TPRG1: variants seen among roughly 807,000 people sequenced by gnomAD.
TPRG1 encodes the protein tumor protein p63-regulated gene 1 protein.
In TPRG1, 29 loss-of-function variants were observed where a neutral mutation model predicts 29.3. The ratio of observed to expected loss-of-function variants is 0.99; its 90% CI spans 0.74 to 1.35. TPRG1 has a LOEUF of 1.35. TPRG1 is among the 40% of genes most tolerant of loss of function. The pLI is 0.00. For synonymous variants in TPRG1, 130 were observed against 116.8 expected, an observed-to-expected ratio of 1.11 and a Z score of -0.73; for missense variants, 327 against 335.0, an observed-to-expected ratio of 0.98 and a Z score of 0.19.
At chr3:189,113,097 T>G (rs1312621261) in intron 1 of TPRG1, among the ~76,000 whole-genome samples, 1 of 152,198 alleles carries the variant, frequency 6.6e-6, no homozygotes, top group African/African-American at 2.4e-5. Context: ...TTCACGTCCC[T>G]TGTAAGTTGG....
At chr3:189,084,444 G>T (rs1350734024) in intron 4 of TPRG1, among the ~76,000 whole-genome samples, 1 of 152,150 alleles carries the variant, frequency 6.6e-6, no homozygotes, top group Non-Finnish European at 1.5e-5. Context: ...ACTCAGGCTT[G>T]CCTCAGAATT....
intron 1 of TPRG1, among the ~76,000 whole-genome samples, chr3:189,108,682 G>A (rs977536984): frequency 3.5e-4 from 53 of 151,988 alleles, no homozygotes; most frequent in African/African-American, 1.1e-3. Flanking sequence ...CTGAAGAATA[G>A]CATAATTTTA....
At chr3:189,120,726 C>G (rs1721733077) in intron 1 of TPRG1, among the ~76,000 whole-genome samples, 1 of 152,172 alleles carries the variant, frequency 6.6e-6, no homozygotes, top group Admixed American at 6.5e-5. Context: ...TAAGGCTGAA[C>G]AGCCAAACTG....
At position 189,288,372 on chromosome 3, in the gene TPRG1, A is replaced by C. The variant is rs9853090; in HGVS notation, c.480-22014A>C. On this transcript the variant is annotated intron_variant, in intron 4 of 5. Coordinates refer to ENST00000345063, the MANE Select transcript of TPRG1 (RefSeq NM_198485.4). ...AACAAAACTTCAAAGGCCAATGTAC[A>C]TTGCAGGAGAAGAGGAATGAATATT... 6.0e-3 allele frequency among the ~76,000 whole-genome samples: 911 copies of C among 152,332 alleles called. 8 individuals are homozygous for C. Among genetic ancestry groups the C allele is most frequent in the African/African-American group, 0.021 (856 of 41,566 alleles).
intron 5 of TPRG1, among the ~76,000 whole-genome samples, chr3:189,313,531 A>G (rs1039914851): frequency 2.0e-5 from 3 of 152,216 alleles, no homozygotes; most frequent in African/African-American, 7.2e-5. Flanking sequence ...AGGGAATAAC[A>G]TAGAGCTGAG....
At chr3:189,019,021 G>C (rs1334363108) in intron 3 of TPRG1, among the ~76,000 whole-genome samples, 1 of 152,114 alleles carries the variant, frequency 6.6e-6, no homozygotes, top group Non-Finnish European at 1.5e-5. Flanking sequence ...CTCATAATTT[G>C]TCTCTCTGTT....
chr3:189,006,152 C>T (rs1054192802), intron 3 of TPRG1, among the ~76,000 whole-genome samples: 2 of 152,116 alleles, frequency 1.3e-5, no homozygotes, highest in Non-Finnish European at 2.9e-5. Flanking sequence ...GTTTCTCAAT[C>T]CGCATGCAGC....
chr3:189,232,079 CT>C (rs1164730313), intron 3 of TPRG1, among the ~76,000 whole-genome samples: 2 of 150,902 alleles, frequency 1.3e-5, no homozygotes, highest in East Asian at 3.9e-4. Flanking sequence ...AAAATGGCCA[CT>C]TTTTTTTTCT....
intron 1 of TPRG1, among the ~76,000 whole-genome samples, chr3:189,109,301 G>A (rs1481907536): frequency 1.3e-5 from 2 of 152,214 alleles, no homozygotes; most frequent in Non-Finnish European, 2.9e-5. Flanking sequence ...TGTCTAGTGC[G>A]TGTGGTGCGG....
intron 4 of TPRG1, among the ~76,000 whole-genome samples, chr3:189,270,371 A>G (rs150351364): frequency 6.6e-6 from 1 of 152,328 alleles, no homozygotes; most frequent in Non-Finnish European, 1.5e-5. Context: ...GATTTCAAAT[A>G]CATTCTACTT....
intron 5 of TPRG1, among the ~76,000 whole-genome samples, chr3:189,166,341 T>C (rs567592107): frequency 2.0e-5 from 3 of 152,352 alleles, no homozygotes; most frequent in Non-Finnish European, 4.4e-5. Flanking sequence ...GAGTGTAATC[T>C]TACTTTAAAA....
At chr3:189,071,737 A>G (rs1716823003) in intron 4 of TPRG1, among the ~76,000 whole-genome samples, 1 of 152,242 alleles carries the variant, frequency 6.6e-6, no homozygotes, top group African/African-American at 2.4e-5. Flanking sequence ...ACTGCCAACG[A>G]TTAATGAGCA....
At chr3:189,069,808 A>G (rs1716697863) in intron 4 of TPRG1, among the ~76,000 whole-genome samples, 1 of 152,208 alleles carries the variant, frequency 6.6e-6, no homozygotes, top group Admixed American at 6.5e-5. Context: ...ACTACTCCAC[A>G]ATACAAAGGA....
At chr3:189,146,466 C>T (rs903598843) in intron 3 of TPRG1, among the ~76,000 whole-genome samples, 1 of 152,152 alleles carries the variant, frequency 6.6e-6, no homozygotes, top group Non-Finnish European at 1.5e-5. Flanking sequence ...CTCAAAAAAA[C>T]AAATGTTGTT....
chr3:189,219,514 T>G (rs1416819667), intron 3 of TPRG1: 1 of 1,007,436 alleles, frequency 9.9e-7, no homozygotes, highest in Non-Finnish European at 1.3e-6. Context: ...TTATTGGCCC[T>G]TCTGAAAAAA....
chr3:189,234,657 T>G (rs1266562065), intron 3 of TPRG1, among the ~76,000 whole-genome samples: 1 of 152,226 alleles, frequency 6.6e-6, no homozygotes, highest in African/African-American at 2.4e-5. Flanking sequence ...AGTGCCAGGA[T>G]AGCTTGTGTT....
chr3:189,050,014 C>T (rs1329422204), intron 4 of TPRG1, among the ~76,000 whole-genome samples: 1 of 151,932 alleles, frequency 6.6e-6, no homozygotes, highest in Non-Finnish European at 1.5e-5. Context: ...AAGGTCACGC[C>T]TCAAGGAACT....
intron 4 of TPRG1, among the ~76,000 whole-genome samples, chr3:189,299,417 A>G (rs1720481926): frequency 6.6e-6 from 1 of 152,138 alleles, no homozygotes; most frequent in African/African-American, 2.4e-5. Flanking sequence ...AACTCTTTCT[A>G]TCCTGGGCAT....
In TPRG1 at chr3:189,161,747, CAGATT is replaced by C. The variant is rs1243110360; in HGVS notation, c.-10+10877_-10+10881del. Among the ~76,000 whole-genome samples the C allele has an allele frequency of 2.0e-5, 3 of 152,258 alleles. No individual in the cohort carries two copies. The East Asian group carries it at 5.8e-4, about 29-fold the overall frequency. ...ACAGCTCTTGCTGTCAAAGAGCTCT[CAGATT>C]AATCAGGGAATGACAATAGTCTAGA... is the stretch of plus-strand genomic sequence containing the variant. On this transcript the variant is annotated intron_variant, in intron 5 of 6. Coordinates refer to the TPRG1 transcript ENST00000412373.
Sources: allele counts gnomAD v4.1 joint callset (sites outside exome capture counted in the v4.1 genomes callset), GRCh38; gene constraint gnomAD v4.1.1; transcripts MANE v1.5; gene names NCBI Gene and HGNC (gene_info 2026-07-23, HGNC 2026-07-21).